The following L3MBTL4 variants were observed in gnomAD, a reference collection of about 807,000 sequenced individuals.
L3MBTL4 encodes the protein lethal(3)malignant brain tumor-like protein 4.
A neutral mutation model predicts 84.5 loss-of-function variants in L3MBTL4; 70 were observed. The observed-to-expected ratio is 0.83, with a 90% CI of 0.68 to 1.01. The LOEUF (loss-of-function observed/expected upper bound fraction) is 1.01. Among genes scored for constraint, L3MBTL4 ranks in the 50% least tolerant of loss-of-function variants. L3MBTL4 has a pLI of 0.00. For synonymous variants in L3MBTL4, 274 were observed against 259.8 expected (o/e 1.05, Z -0.52); for missense variants, 715 against 754.8 (o/e 0.95, Z 0.62).
intron 4 of L3MBTL4, among the ~76,000 whole-genome samples, chr18:6,279,997 A>T (rs1319465209): frequency 6.6e-6 from 1 of 152,214 alleles, no homozygotes; most frequent in South Asian, 2.1e-4. Flanking sequence ...CACACTTAAA[A>T]TATTATTCAA....
At chr18:6,192,194 T>C (rs908958724) in intron 12 of L3MBTL4, among the ~76,000 whole-genome samples, 5 of 151,802 alleles carry the variant, frequency 3.3e-5, no homozygotes, top group African/African-American at 7.3e-5. Context: ...TTCAAAGAGG[T>C]CTCCTTTAAA....
At chr18:6,413,730 G>T (rs564855494) in intron 1 of L3MBTL4, among the ~76,000 whole-genome samples, 1 of 152,288 alleles carries the variant, frequency 6.6e-6, no homozygotes, top group African/African-American at 2.4e-5. Flanking sequence ...AAGTGAGAGC[G>T]AGTCTTCAGC....
intron 14 of L3MBTL4, 27 bp downstream of exon 14, chr18:6,138,167 A>G: frequency 6.8e-7 from 1 of 1,479,618 alleles, no homozygotes; most frequent in Non-Finnish European, 9.4e-7. Context: ...TTCATCCAGG[A>G]AATAACTTAA....
At chr18:6,023,699 A>G (rs2055370507) in intron 16 of L3MBTL4, among the ~76,000 whole-genome samples, 1 of 152,180 alleles carries the variant, frequency 6.6e-6, no homozygotes, top group South Asian at 2.1e-4. Flanking sequence ...ACCTAGTCAT[A>G]TACCGTGATA....
At chr18:6,203,458 T>C (rs147503849) in intron 12 of L3MBTL4, among the ~76,000 whole-genome samples, 1 of 152,294 alleles carries the variant, frequency 6.6e-6, no homozygotes, top group East Asian at 1.9e-4. Context: ...CTTACAACAC[T>C]GTTGAGGTGG....
intron 1 of L3MBTL4, among the ~76,000 whole-genome samples, chr18:6,324,662 A>G (rs1235193926): frequency 6.6e-6 from 1 of 152,182 alleles, no homozygotes; most frequent in African/African-American, 2.4e-5. Context: ...GCTCCTTTAG[A>G]GTGGGCCCCC....
At chr18:6,362,911 T>G (rs1307645847) in intron 1 of L3MBTL4, among the ~76,000 whole-genome samples, 19 of 152,232 alleles carry the variant, frequency 1.2e-4, no homozygotes, top group Admixed American at 1.2e-3. Flanking sequence ...TGTGGGCGCA[T>G]GCGCACTGCC....
chr18:6,160,846 C>T (rs943454502), intron 13 of L3MBTL4, among the ~76,000 whole-genome samples: 2 of 151,820 alleles, frequency 1.3e-5, no homozygotes, highest in Non-Finnish European at 2.9e-5. Flanking sequence ...TAATTTCCCA[C>T]GCAAGAAAAA....
intron 13 of L3MBTL4, among the ~76,000 whole-genome samples, chr18:6,152,214 GATACTT>G (rs2042927499): frequency 6.6e-6 from 1 of 152,114 alleles, no homozygotes; most frequent in Non-Finnish European, 1.5e-5. Context: ...ATCTCTTAGA[GATACTT>G]ATTTCATTTC....
intron 16 of L3MBTL4, among the ~76,000 whole-genome samples, chr18:6,073,460 T>C (rs991902793): frequency 5.3e-5 from 8 of 152,188 alleles, no homozygotes; most frequent in African/African-American, 1.9e-4. Flanking sequence ...TTTTCCTGTC[T>C]GTGAATTCAT....
At chr18:6,075,107 T>C (rs2057812846) in intron 16 of L3MBTL4, among the ~76,000 whole-genome samples, 1 of 152,060 alleles carries the variant, frequency 6.6e-6, no homozygotes, top group Non-Finnish European at 1.5e-5. Context: ...CCAATTCACC[T>C]GAAATAAAAC....
chr18:6,118,204 C>T (rs1263792894), intron 14 of L3MBTL4, among the ~76,000 whole-genome samples: 4 of 150,784 alleles, frequency 2.7e-5, no homozygotes, highest in South Asian at 2.1e-4. Context: ...CTTAAACACA[C>T]ACAAACACAC....
intron 4 of L3MBTL4, among the ~76,000 whole-genome samples, chr18:6,289,019 T>C (rs1386243234): frequency 1.3e-5 from 2 of 151,928 alleles, no homozygotes; most frequent in African/African-American, 2.4e-5. Context: ...AAAATATAAA[T>C]TTAAAGAAAA....
intron 16 of L3MBTL4, among the ~76,000 whole-genome samples, chr18:6,010,972 G>T (rs1395272176): frequency 6.6e-6 from 1 of 152,176 alleles, no homozygotes; most frequent in East Asian, 1.9e-4. Context: ...AATACAGAAT[G>T]CAAGAATATT....
intron 4 of L3MBTL4, among the ~76,000 whole-genome samples, chr18:6,278,678 G>C (rs564498272): frequency 1.3e-5 from 2 of 152,200 alleles, no homozygotes; most frequent in Non-Finnish European, 2.9e-5. Context: ...TAAAGATAAA[G>C]ATCAGTGCTG....
In L3MBTL4 at chr18:6,188,469, A is replaced by G. The variant is rs2044894537; in HGVS notation, c.982-16527T>C. 2.0e-5 allele frequency among the ~76,000 whole-genome samples: 3 copies of G among 152,124 alleles called. No homozygotes were observed. In the South Asian group the frequency reaches 6.2e-4, roughly 31 times the overall value. ...TGTCTAGAAACTAAAAATATATAAAACCATAATTTCTGAACTCACTGTGGA... is the reference window on the plus strand; with the variant it reads ...TGTCTAGAAACTAAAAATATATAAAGCCATAATTTCTGAACTCACTGTGGA... On this transcript the variant is annotated intron_variant, in intron 12 of 18. Transcript: ENST00000317931.
Position 6,072,323 on chromosome 18 carries a change from A to G in L3MBTL4, c.1444+8558T>C, listed in dbSNP as rs2057687986. On this transcript the variant is annotated intron_variant, in intron 16 of 18. Coordinates refer to ENST00000317931, the MANE Select transcript of L3MBTL4 (RefSeq NM_001330559.2). ...ATTGCTCAGAGTATACTCTCTGACC[A>G]CAGTGGAATAAAATTCAAAATCAAT... Among the ~76,000 whole-genome samples, 4 of 152,178 alleles carry G rather than the reference A, an allele frequency of 2.6e-5. No homozygotes were observed. The South Asian group carries it at 8.3e-4, about 32-fold the overall frequency.
chr18:6,325,337 C>G (rs2051658667), intron 1 of L3MBTL4, among the ~76,000 whole-genome samples: 1 of 152,038 alleles, frequency 6.6e-6, no homozygotes, highest in African/African-American at 2.4e-5. Flanking sequence ...ATGAGCAAAG[C>G]AAGCCAAAAG....
chr18:6,158,089 T>G (rs983140803), intron 13 of L3MBTL4, among the ~76,000 whole-genome samples: 1 of 152,192 alleles, frequency 6.6e-6, no homozygotes, highest in Admixed American at 6.5e-5. Context: ...ATGTTGGTTT[T>G]GCATTATGTG....
Sources: allele counts gnomAD v4.1 joint callset (sites outside exome capture counted in the v4.1 genomes callset), GRCh38; gene constraint gnomAD v4.1.1; transcripts MANE v1.5; gene names NCBI Gene and HGNC (gene_info 2026-07-23, HGNC 2026-07-21).